TTLL7: variants seen among roughly 807,000 people sequenced by gnomAD.
The protein encoded by TTLL7 is tubulin tyrosine ligase like 7.
Under a neutral mutation model 120.2 loss-of-function variants are expected in TTLL7, and 53 were observed. That is an observed-to-expected ratio of 0.44 (90% CI 0.35 to 0.55). TTLL7 has a LOEUF of 0.55. TTLL7 is among the 20% of genes least tolerant of loss of function. TTLL7 has a pLI of 0.00. For missense variants in TTLL7, 803 were observed against 1,054.7 expected (o/e 0.76, Z 3.31); for synonymous variants, 353 against 351.7 (o/e 1.00, Z -0.04).
At chr1:83,964,846 T>G (rs1403039757) in intron 1 of TTLL7, among the ~76,000 whole-genome samples, 1 of 152,164 alleles carries the variant, frequency 6.6e-6, no homozygotes, top group African/African-American at 2.4e-5. Flanking sequence ...TTTTATAAAT[T>G]GAATATTATA....
chr1:83,965,446 G>A (rs1404078922), intron 1 of TTLL7, among the ~76,000 whole-genome samples: 1 of 152,006 alleles, frequency 6.6e-6, no homozygotes, highest in African/African-American at 2.4e-5. Context: ...CAAGTTTCCC[G>A]AGGCCTCCCA....
At chr1:83,961,264 A>AT (rs529346849) in intron 1 of TTLL7, among the ~76,000 whole-genome samples, 16 of 152,236 alleles carry the variant, frequency 1.1e-4, no homozygotes, top group Non-Finnish European at 2.4e-4. Context: ...CAACTGTGCT[A>AT]ATTTCTAGAA....
At chr1:83,892,280 ATATATATG>A (rs1361578399) in intron 18 of TTLL7, among the ~76,000 whole-genome samples, 7 of 78,458 alleles carry the variant, frequency 8.9e-5, no homozygotes, top group Admixed American at 4.6e-4. Flanking sequence ...ATATATATGA[ATATATATG>A]TATATATGAA....
At chr1:83,914,494 G>C (rs949099868) in intron 14 of TTLL7, among the ~76,000 whole-genome samples, 7 of 151,882 alleles carry the variant, frequency 4.6e-5, no homozygotes, top group African/African-American at 1.2e-4. Flanking sequence ...ACCACACCCA[G>C]CTAATTTTTG....
At chr1:83,970,614 A>G (rs1019782703) in intron 1 of TTLL7, among the ~76,000 whole-genome samples, 3 of 152,148 alleles carry the variant, frequency 2.0e-5, no homozygotes, top group African/African-American at 7.2e-5. Flanking sequence ...TGAAAATTAA[A>G]AGATAATTGC....
At chr1:83,881,667 G>A (rs1450147194) in intron 20 of TTLL7, among the ~76,000 whole-genome samples, 1 of 151,436 alleles carries the variant, frequency 6.6e-6, no homozygotes, top group African/African-American at 2.4e-5. Flanking sequence ...AACCATTGTG[G>A]AAGTCAGTGT....
At chr1:83,892,928 G>GAGAAAGAAAGAAAAGAAAGAA (rs150081804) in intron 18 of TTLL7, among the ~76,000 whole-genome samples, 28 of 102,714 alleles carry the variant, frequency 2.7e-4, no homozygotes, top group African/African-American at 8.5e-4. Flanking sequence ...GAAAGAAAAA[G>GAGAAAGAAAGAAAAGAAAGAA]AGAAAGAAAG....
rs1448372773 is a variant in TTLL7, at chr1:83,921,169, G to A, written c.1291-9C>T. On this transcript the variant is annotated splice_polypyrimidine_tract_variant and intron_variant, in intron 11 of 20. Coordinates refer to ENST00000260505, the MANE Select transcript of TTLL7 (RefSeq NM_024686.6). ...TGAGCGAGTCTCTCTTTCTGGAAAT[G>A]AGAAAAATTTTACAAATAAAATCCA... The A allele has an allele frequency of 1.2e-6, 2 of 1,609,978 alleles. No homozygotes were observed. Among genetic ancestry groups the A allele is most frequent in the African/African-American group, 2.7e-5 (2 of 74,542 alleles).
chr1:83,949,200 T>C (rs1320110811), intron 4 of TTLL7: 1 of 152,546 alleles, frequency 6.6e-6, no homozygotes, highest in Non-Finnish European at 1.5e-5. Flanking sequence ...AATAAAAGAA[T>C]GAAACCAGAT....
At chr1:83,923,611 C>T (rs1312936409) in intron 10 of TTLL7, among the ~76,000 whole-genome samples, 2 of 152,064 alleles carry the variant, frequency 1.3e-5, no homozygotes, top group African/African-American at 2.4e-5. Context: ...CAAAGAAAAT[C>T]CAACTACCCT....
At chr1:83,938,507 C>T (rs1483461550) in intron 7 of TTLL7, among the ~76,000 whole-genome samples, 2 of 152,096 alleles carry the variant, frequency 1.3e-5, no homozygotes, top group African/African-American at 4.8e-5. Context: ...GACTACCAAA[C>T]ACAACCTCTG....
At chr1:83,938,290 T>A (rs560458954) in intron 7 of TTLL7, among the ~76,000 whole-genome samples, 1 of 152,108 alleles carries the variant, frequency 6.6e-6, no homozygotes, top group Non-Finnish European at 1.5e-5. Context: ...GAATATAGAG[T>A]AATTAAAATG....
rs1648088514 is a variant in TTLL7 at position 83,942,669 on chromosome 1, T to C, written c.517A>G (p.Ile173Val). The change falls in exon 7 of 21, where the codon ATA (isoleucine) becomes GTA (valine). Residue 173 changes from isoleucine (I) to valine (V), a missense_variant. Physicochemically the swap from Ile to Val is conservative, Grantham distance 29. This residue lies in a region of TTLL7 where 324 missense variants were observed against 507.7 expected (regional missense o/e 0.64). Transcript: ENST00000260505. ...NGAMGHGISL[I>V]RNGDKLPSQD... Reference sequence around the variant, plus strand: ...GATGGAAGTTTGTCACCATTTCTTATCAAAGAAATCCTATGTTTAAAGAAA... The same window carrying C: ...GATGGAAGTTTGTCACCATTTCTTACCAAAGAAATCCTATGTTTAAAGAAA... 5 of 1,608,814 alleles carry C rather than the reference T, an allele frequency of 3.1e-6. No individual in the cohort carries two copies. Among genetic ancestry groups the C allele is most frequent in the Non-Finnish European group, 4.3e-6 (5 of 1,176,268 alleles).
At chr1:83,959,732 T>C (rs1236184759) in intron 1 of TTLL7, among the ~76,000 whole-genome samples, 19 of 151,742 alleles carry the variant, frequency 1.3e-4, no homozygotes. Context: ...AAAAAAATTG[T>C]AGAGGGAAGG....
intron 19 of TTLL7, chr1:83,890,050 G>A (rs1480357835): frequency 4.2e-6 from 2 of 474,298 alleles, no homozygotes; most frequent in African/African-American, 4.1e-5. Context: ...GGCGACTGCA[G>A]AAGAACTTCA....
At chr1:83,921,609 A>G (rs1658677075) in intron 10 of TTLL7, among the ~76,000 whole-genome samples, 1 of 152,172 alleles carries the variant, frequency 6.6e-6, no homozygotes, top group Admixed American at 6.6e-5. Context: ...ATACAGAGAC[A>G]AAATGGAAAT....
intron 7 of TTLL7, among the ~76,000 whole-genome samples, chr1:83,940,565 A>C (rs1169506607): frequency 6.6e-6 from 1 of 152,126 alleles, no homozygotes; most frequent in East Asian, 1.9e-4. Context: ...CAGAAACCTG[A>C]GTTTTATTCT....
At chr1:83,918,298 C>T (rs1349605362) in intron 13 of TTLL7, among the ~76,000 whole-genome samples, 1 of 152,116 alleles carries the variant, frequency 6.6e-6, no homozygotes, top group African/African-American at 2.4e-5. Flanking sequence ...CTGCGTTCTA[C>T]TAGAGTCATA....
intron 6 of TTLL7, among the ~76,000 whole-genome samples, chr1:83,945,096 A>G (rs943648680): frequency 6.6e-6 from 1 of 152,216 alleles, no homozygotes. Flanking sequence ...TTGAGGAACA[A>G]AAGCTACAAG....
Sources: allele counts gnomAD v4.1 joint callset (sites outside exome capture counted in the v4.1 genomes callset), GRCh38; gene constraint gnomAD v4.1.1; regional missense constraint gnomAD v4.1.1; transcripts MANE v1.5; gene names NCBI Gene and HGNC (gene_info 2026-07-23, HGNC 2026-07-21).